Variants in NELL1 observed in about 807,000 individuals in gnomAD.
NELL1 encodes the protein neural EGFL like 1.
Under a neutral mutation model 107.4 loss-of-function variants are expected in NELL1, and 76 were observed. That is an observed-to-expected ratio of 0.71 (90% CI 0.59 to 0.86). The LOEUF (loss-of-function observed/expected upper bound fraction) is 0.86, where lower values mean the gene tolerates loss of function less well. Ranked by LOEUF, NELL1 falls within the 40% of genes least tolerant of loss-of-function variation. The pLI is 0.00. For missense variants in NELL1, 1,024 were observed against 1,005.5 expected (o/e 1.02, Z -0.25); for synonymous variants, 353 against 341.2 (o/e 1.03, Z -0.38).
intron 15 of NELL1, among the ~76,000 whole-genome samples, chr11:21,499,994 A>G (rs1855094340): frequency 1.3e-5 from 2 of 152,122 alleles, no homozygotes; most frequent in African/African-American, 4.8e-5. Flanking sequence ...GAAGGAATAG[A>G]TAGTTGGATT....
chr11:20,833,289 CATT>C (rs113832089), intron 3 of NELL1, among the ~76,000 whole-genome samples: 4 of 151,212 alleles, frequency 2.6e-5, no homozygotes, highest in Non-Finnish European at 2.9e-5. Flanking sequence ...AAATGTTAGC[CATT>C]ATTATTATTA....
chr11:20,677,758 T>C (rs1353674276), intron 1 of NELL1, among the ~76,000 whole-genome samples, 174 bp from the exon 2 acceptor site: 2 of 152,056 alleles, frequency 1.3e-5, no homozygotes. Context: ...GAAACTACAG[T>C]ATTAGCGGGG....
intron 12 of NELL1, among the ~76,000 whole-genome samples, chr11:21,092,044 G>A (rs950110565): frequency 2.6e-5 from 4 of 152,136 alleles, no homozygotes; most frequent in East Asian, 3.9e-4. Flanking sequence ...CCAGATGGAA[G>A]GAACAGGATG....
intron 2 of NELL1, among the ~76,000 whole-genome samples, chr11:20,706,694 T>G (rs1328281796): frequency 1.3e-5 from 2 of 152,130 alleles, no homozygotes; most frequent in Non-Finnish European, 2.9e-5. Context: ...AAAGGAATGT[T>G]GAATATTGGC....
chr11:21,493,624 A>G (rs894970704), intron 15 of NELL1, among the ~76,000 whole-genome samples: 1 of 152,072 alleles, frequency 6.6e-6, no homozygotes, highest in Non-Finnish European at 1.5e-5. Flanking sequence ...CAGATTAAGA[A>G]AGGTTGATTA....
rs143353785 is a variant in NELL1, at chr11:21,433,621, T to A, written c.1645+62673T>A. Among the ~76,000 whole-genome samples the A allele has an allele frequency of 1.2e-3, 176 of 152,154 alleles. 2 individuals carry two copies. The East Asian group carries it at 0.021, about 19-fold the overall frequency. On this transcript the variant is annotated intron_variant, in intron 15 of 19. Coordinates refer to ENST00000357134, the MANE Select transcript of NELL1 (RefSeq NM_006157.5). ...TTATGGTTTTTTGTTTTTATTTTGG[T>A]GATGATTAGTGATGTTGAGCATGTT...
intron 13 of NELL1, among the ~76,000 whole-genome samples, chr11:21,175,608 T>C (rs1856695402): frequency 6.6e-6 from 1 of 151,880 alleles, no homozygotes; most frequent in African/African-American, 2.4e-5. Context: ...AAGGTACAAA[T>C]GGGTTGCTAC....
chr11:21,374,814 T>C (rs10833520), intron 15 of NELL1, among the ~76,000 whole-genome samples: 27,123 of 151,836 alleles, frequency 0.18, 2,575 homozygotes, highest in South Asian at 0.21. Context: ...GGATATATTG[T>C]TTACTTATCT....
At chr11:20,961,746 C>A (rs922198969) in intron 12 of NELL1, among the ~76,000 whole-genome samples, 10 of 152,024 alleles carry the variant, frequency 6.6e-5, no homozygotes, top group African/African-American at 2.2e-4. Context: ...GGAGAGCCAT[C>A]TTTTCCTATA....
chr11:21,005,560 A>T (rs1388491817), intron 12 of NELL1, among the ~76,000 whole-genome samples: 2 of 152,126 alleles, frequency 1.3e-5, no homozygotes, highest in Non-Finnish European at 2.9e-5. Context: ...TGTCTTTATA[A>T]ATGGGTAGCA....
intron 7 of NELL1, among the ~76,000 whole-genome samples, chr11:20,919,717 C>T (rs546916616): frequency 3.9e-5 from 6 of 152,116 alleles, no homozygotes; most frequent in South Asian, 2.1e-4. Context: ...TGCCAGTAAT[C>T]GGAAGGGGCA....
intron 11 of NELL1, among the ~76,000 whole-genome samples, chr11:20,958,234 A>G (rs1354171273): frequency 6.6e-6 from 1 of 152,080 alleles, no homozygotes; most frequent in African/African-American, 2.4e-5. Context: ...CCTGGGCAAC[A>G]TAGTGAGACT....
chr11:20,963,496 A>T (rs1851329500), intron 12 of NELL1, among the ~76,000 whole-genome samples: 1 of 151,518 alleles, frequency 6.6e-6, no homozygotes, highest in African/African-American at 2.4e-5. Flanking sequence ...TAGGGTTTTA[A>T]CCCTATTCAA....
chr11:20,723,103 A>G (rs1564880147), intron 2 of NELL1, among the ~76,000 whole-genome samples: 1 of 152,144 alleles, frequency 6.6e-6, no homozygotes, highest in Non-Finnish European at 1.5e-5. Flanking sequence ...GGGGATTACC[A>G]TTCAAGATGA....
intron 13 of NELL1, among the ~76,000 whole-genome samples, chr11:21,203,603 C>T (rs896982171): frequency 2.6e-5 from 4 of 151,978 alleles, no homozygotes; most frequent in South Asian, 2.1e-4. Context: ...GGGCATTTAG[C>T]CCATTTACAT....
At chr11:20,816,253 T>G (rs1333960134) in intron 3 of NELL1, among the ~76,000 whole-genome samples, 2 of 152,234 alleles carry the variant, frequency 1.3e-5, no homozygotes, top group African/African-American at 4.8e-5. Context: ...TGTGGCCATT[T>G]AAACAATGTT....
At chr11:21,566,394 T>C (rs1856973875) in intron 17 of NELL1, among the ~76,000 whole-genome samples, 1 of 151,900 alleles carries the variant, frequency 6.6e-6, no homozygotes, top group Non-Finnish European at 1.5e-5. Flanking sequence ...CTATTCCATA[T>C]TAAAATTTGT....
chr11:20,728,577 T>A (rs11025720), intron 2 of NELL1, among the ~76,000 whole-genome samples: 16,972 of 151,654 alleles, frequency 0.11, 1,080 homozygotes, highest in Non-Finnish European at 0.15. Flanking sequence ...CTTTCTTCAT[T>A]GCTTATTTTT....
chr11:20,671,522 A>C (rs1853909215), intron 1 of NELL1, among the ~76,000 whole-genome samples: 1 of 152,186 alleles, frequency 6.6e-6, no homozygotes, highest in Admixed American at 6.5e-5. Context: ...TTCAGGGTTC[A>C]TTGCTTGTGG....
Sources: allele counts gnomAD v4.1 joint callset (sites outside exome capture counted in the v4.1 genomes callset), GRCh38; gene constraint gnomAD v4.1.1; transcripts MANE v1.5; gene names NCBI Gene and HGNC (gene_info 2026-07-23, HGNC 2026-07-21).